DZIP3: variants seen among roughly 807,000 people sequenced by gnomAD.
The protein encoded by DZIP3 is E3 ubiquitin-protein ligase DZIP3.
Under a neutral mutation model 162.0 loss-of-function variants are expected in DZIP3, and 118 were observed. That is an observed-to-expected ratio of 0.73 (90% CI 0.63 to 0.85). The LOEUF (loss-of-function observed/expected upper bound fraction) is 0.85, where lower values mean the gene tolerates loss of function less well. Among genes scored for constraint, DZIP3 ranks in the 40% least tolerant of loss-of-function variants. The pLI is 0.00. For synonymous variants in DZIP3, 438 were observed against 458.6 expected (o/e 0.96, Z 0.57); for missense variants, 1,331 against 1,407.0 (o/e 0.95, Z 0.86).
At chr3:108,613,821 T>C (rs1316221363) in intron 4 of DZIP3, among the ~76,000 whole-genome samples, 5 of 152,030 alleles carry the variant, frequency 3.3e-5, no homozygotes, top group Admixed American at 3.3e-4. Flanking sequence ...AATCTAGAAA[T>C]CAATAAAAGA....
chr3:108,619,329 G>GTGTGTT (rs1559731608), intron 5 of DZIP3, among the ~76,000 whole-genome samples: 1,691 of 148,594 alleles, frequency 0.011, 25 homozygotes, highest in African/African-American at 0.041. Context: ...TGTGTGTTTT[G>GTGTGTT]TTTTATATAC....
chr3:108,607,239 A>T (rs1484994435), intron 2 of DZIP3, among the ~76,000 whole-genome samples: 1 of 152,188 alleles, frequency 6.6e-6, no homozygotes, highest in Non-Finnish European at 1.5e-5. Flanking sequence ...CATTTTATTT[A>T]TCTGTCCCAA....
At chr3:108,675,087 T>C (rs1360412689) in intron 24 of DZIP3, among the ~76,000 whole-genome samples, 1 of 151,902 alleles carries the variant, frequency 6.6e-6, no homozygotes, top group Non-Finnish European at 1.5e-5. Context: ...TATAAAATTG[T>C]TGGGCTGGGT....
In DZIP3 at chr3:108,684,195, T is replaced by C. The variant is rs76428260; in HGVS notation, c.2884-21T>C. On this transcript the variant is annotated intron_variant, in intron 26 of 32. Coordinates refer to ENST00000361582, the MANE Select transcript of DZIP3 (RefSeq NM_014648.4). ...TGTGGGGGGGGGTGTTGTTTATTAT[T>C]GTTTATATTTTCTATTTTAGATGCA... is the stretch of plus-strand genomic sequence containing the variant. 4,359 of 1,594,024 alleles carry C rather than the reference T, an allele frequency of 2.7e-3. 112 individuals are homozygous for C. The African/African-American group carries it at 0.053, about 20-fold the overall frequency.
At chr3:108,594,536 C>T (rs891103991) in intron 1 of DZIP3, among the ~76,000 whole-genome samples, 1 of 151,118 alleles carries the variant, frequency 6.6e-6, no homozygotes, top group Non-Finnish European at 1.5e-5. Context: ...ATGACTTCAT[C>T]ACCCAGGTTT....
chr3:108,607,445 ATATTATGGTGCCTT>A (rs1438740535), intron 2 of DZIP3, among the ~76,000 whole-genome samples: 1 of 152,146 alleles, frequency 6.6e-6, no homozygotes, highest in Non-Finnish European at 1.5e-5. Context: ...CTATGACCCT[ATATTATGGTGCCTT>A]TATTATGGTT....
chr3:108,649,265 G>C (rs576594330), intron 17 of DZIP3, among the ~76,000 whole-genome samples: 2 of 151,706 alleles, frequency 1.3e-5, no homozygotes, highest in Non-Finnish European at 3.0e-5. Context: ...TTTAAAATGC[G>C]TACTCATTGT....
intron 1 of DZIP3, among the ~76,000 whole-genome samples, chr3:108,593,184 A>G (rs1939522192): frequency 6.6e-6 from 1 of 152,220 alleles, no homozygotes; most frequent in Admixed American, 6.5e-5. Context: ...TTGGGATAAT[A>G]ATAGTTTACA....
chr3:108,650,762 G>T (rs538960133), intron 17 of DZIP3, among the ~76,000 whole-genome samples: 1 of 151,360 alleles, frequency 6.6e-6, no homozygotes, highest in Non-Finnish European at 1.5e-5. Flanking sequence ...ATATGAATAC[G>T]TACAGACACA....
At chr3:108,620,024 A>G (rs1472635894) in intron 5 of DZIP3, among the ~76,000 whole-genome samples, 1 of 152,214 alleles carries the variant, frequency 6.6e-6, no homozygotes, top group Non-Finnish European at 1.5e-5. Flanking sequence ...TTATACTAAC[A>G]TCTAAGATTT....
In DZIP3 at chr3:108,636,174, G is replaced by A. The variant is rs145756408; in HGVS notation, c.919-442G>A. Among the ~76,000 whole-genome samples the A allele has an allele frequency of 3.9e-3, 591 of 151,924 alleles. 2 individuals are homozygous for A. Among genetic ancestry groups the A allele is most frequent in the African/African-American group, 0.013 (559 of 41,504 alleles). On this transcript the variant is annotated intron_variant, in intron 10 of 32. Coordinates refer to ENST00000361582, the MANE Select transcript of DZIP3 (RefSeq NM_014648.4). ...GATTGTAGGGGCAATTAATATTACT[G>A]AATTTTAGAAAGAGAAGTAAAAGAA...
intron 31 of DZIP3, among the ~76,000 whole-genome samples, chr3:108,689,619 G>T (rs1944619378): frequency 6.6e-6 from 1 of 152,136 alleles, no homozygotes; most frequent in South Asian, 2.1e-4. Flanking sequence ...CCCAGGAGGT[G>T]GTGCTTGCAG....
intron 8 of DZIP3, among the ~76,000 whole-genome samples, chr3:108,631,045 ACACACACACACTCT>A (rs1229460504): frequency 2.4e-5 from 2 of 81,858 alleles, no homozygotes; most frequent in Non-Finnish European, 4.7e-5. Flanking sequence ...ACACACACAC[ACACACACACACTCT>A]CTCTCTCTCT....
rs779126579 is a variant in DZIP3 at position 108,644,307 on chromosome 3, A to G, written c.1285A>G (p.Lys429Glu). Residue 429 changes from lysine (K) to glutamate (E), a missense_variant, in exon 14 of 33, where the codon AAG becomes GAG. This residue lies in a region of DZIP3 where 1,278 missense variants were observed against 1,317.1 expected (regional missense o/e 0.97). Transcript: ENST00000361582. ...TTTGAAAAAAGAGCTTCTTATACAC[A>G]AGAATGTGCTGGAATCCTACTACAA... ...PLLKKELLIHKNVLESYYNHL... is the reference protein window; with the variant it reads ...PLLKKELLIHENVLESYYNHL... The G allele has an allele frequency of 5.6e-6, 9 of 1,614,046 alleles. No homozygotes were observed. Among genetic ancestry groups the G allele is most frequent in the Non-Finnish European group, 7.6e-6 (9 of 1,179,966 alleles).
chr3:108,646,237 A>T (rs1309864833), intron 14 of DZIP3, among the ~76,000 whole-genome samples: 1 of 152,230 alleles, frequency 6.6e-6, no homozygotes, highest in Non-Finnish European at 1.5e-5. Flanking sequence ...AGAGCAAGTG[A>T]TGATCAGATA....
chr3:108,628,467 C>T (rs1433627406), intron 7 of DZIP3, among the ~76,000 whole-genome samples: 1 of 152,108 alleles, frequency 6.6e-6, no homozygotes, highest in Non-Finnish European at 1.5e-5. Flanking sequence ...CTGTTCTACC[C>T]TTATGGTTAA....
chr3:108,596,405 A>G (rs1176145014), intron 1 of DZIP3, among the ~76,000 whole-genome samples: 2 of 152,218 alleles, frequency 1.3e-5, no homozygotes, highest in East Asian at 1.9e-4. Flanking sequence ...TTGAGACTAA[A>G]TGATATAGGA....
At chr3:108,624,144 G>A (rs1029691716) in intron 5 of DZIP3, among the ~76,000 whole-genome samples, 3 of 152,118 alleles carry the variant, frequency 2.0e-5, no homozygotes, top group Admixed American at 2.0e-4. Context: ...GTTCAGTGTG[G>A]TGTTCCTGTG....
intron 31 of DZIP3, among the ~76,000 whole-genome samples, chr3:108,689,918 T>A (rs937713573): frequency 6.6e-6 from 1 of 152,204 alleles, no homozygotes; most frequent in African/African-American, 2.4e-5. Context: ...TTGTAAGACA[T>A]CATTTCAAAG....
Sources: allele counts gnomAD v4.1 joint callset (sites outside exome capture counted in the v4.1 genomes callset), GRCh38; gene constraint gnomAD v4.1.1; regional missense constraint gnomAD v4.1.1; transcripts MANE v1.5; gene names NCBI Gene and HGNC (gene_info 2026-07-23, HGNC 2026-07-21).